The following ATAD2B variants were observed in gnomAD, a reference collection of about 807,000 sequenced individuals.
The protein encoded by ATAD2B is ATPase family AAA domain containing 2B.
A neutral mutation model predicts 167.6 loss-of-function variants in ATAD2B; 40 were observed. The observed-to-expected ratio is 0.24, with a 90% CI of 0.19 to 0.31. The LOEUF (loss-of-function observed/expected upper bound fraction) is 0.31. Among genes scored for constraint, ATAD2B ranks in the 10% least tolerant of loss-of-function variants. The pLI is 1.00. For synonymous variants in ATAD2B, 579 were observed against 596.5 expected, an observed-to-expected ratio of 0.97 and a Z score of 0.43; for missense variants, 1,242 against 1,757.2, an observed-to-expected ratio of 0.71 and a Z score of 5.24.
At chr2:23,718,865 C>T in the ATAD2B span, among the ~76,000 whole-genome samples, 2 of 152,174 alleles carry the variant, frequency 1.3e-5, no homozygotes, top group Non-Finnish European at 2.9e-5. Context: ...ATCACGCCAA[C>T]CTCTGCTTTG....
intron 15 of ATAD2B, among the ~76,000 whole-genome samples, chr2:23,826,991 T>C (rs1356471600): frequency 6.6e-6 from 1 of 152,216 alleles, no homozygotes. Context: ...ACTGAACCTA[T>C]TCATGTTAAA....
Position 23,833,981 on chromosome 2 carries a change from G to A in ATAD2B, c.1666C>T (p.Pro556Ser). ...GATNRLDSID[P>S]ALRRPGRFDR... is the part of the protein sequence containing the mutation. ...AAACGACCAGGTCTCCTGAGTGCAG[G>A]ATCTATAGAGTCAAGTCTGTTTGTA... Residue 556 changes from proline to serine, a missense_variant, in exon 14 of 28, where the codon CCT becomes TCT. Around this residue, in one of 9 missense-constraint regions of ATAD2B, gnomAD observed 151 missense variants for 284.1 expected, o/e 0.53. Transcript: ENST00000238789. The A allele has an allele frequency of 3.1e-6, 5 of 1,613,280 alleles. No homozygotes were observed. The highest frequency in any genetic ancestry group is 4.2e-6 in the Non-Finnish European group (5 of 1,179,608).
chr2:23,876,434 T>C (rs1478364872), intron 7 of ATAD2B, among the ~76,000 whole-genome samples: 2 of 151,934 alleles, frequency 1.3e-5, no homozygotes, highest in African/African-American at 4.8e-5. Context: ...CCTGAGTAGC[T>C]GGGATTACAG....
chr2:23,703,363 C>T, the ATAD2B span: 180,883 of 1,510,128 alleles, frequency 0.12, 11,425 homozygotes, highest in Middle Eastern at 0.17. Context: ...GGAGCTTCAT[C>T]GAGTCCCCAA....
At chr2:23,818,210 AGAGGGAGGGAGGGAAGAAGAGAGG>A (rs1686838954) in intron 17 of ATAD2B, among the ~76,000 whole-genome samples, 2 of 11,002 alleles carry the variant, frequency 1.8e-4, no homozygotes, top group African/African-American at 2.9e-4. Flanking sequence ...GAAGAGAGGG[AGAGGGAGGGAGGGAAGAAGAGAGG>A]GAGGGAGGGA....
intron 17 of ATAD2B, among the ~76,000 whole-genome samples, chr2:23,812,425 C>T (rs1202559462): frequency 3.3e-5 from 5 of 152,100 alleles, no homozygotes; most frequent in African/African-American, 1.2e-4. Context: ...GTCAATTCTT[C>T]CTAACCCATT....
chr2:23,741,964 C>T, the ATAD2B span, among the ~76,000 whole-genome samples: 1 of 152,192 alleles, frequency 6.6e-6, no homozygotes, highest in Admixed American at 6.5e-5. Flanking sequence ...TGCTCATCAT[C>T]ACTGGCCATC....
At chr2:23,807,154 C>T (rs1012737900) in intron 18 of ATAD2B, among the ~76,000 whole-genome samples, 1 of 152,136 alleles carries the variant, frequency 6.6e-6, no homozygotes, top group African/African-American at 2.4e-5. Context: ...GAGCAATGAT[C>T]AGATCATGGG....
At chr2:23,761,129 C>A (rs553541594) in intron 24 of ATAD2B, among the ~76,000 whole-genome samples, 41 of 152,308 alleles carry the variant, frequency 2.7e-4, no homozygotes, top group African/African-American at 9.1e-4. Context: ...TAGAGTACTA[C>A]ATTACACAAT....
chr2:23,783,339 A>C (rs541078742), intron 21 of ATAD2B, among the ~76,000 whole-genome samples: 1 of 151,500 alleles, frequency 6.6e-6, no homozygotes, highest in African/African-American at 2.4e-5. Flanking sequence ...ATGTATGGGC[A>C]AAAGTTCCCA....
At chr2:23,680,224 A>T in the ATAD2B span, among the ~76,000 whole-genome samples, 1 of 152,118 alleles carries the variant, frequency 6.6e-6, no homozygotes, top group Admixed American at 6.5e-5. The surrounding 1 kb of genome is among the most constrained non-coding windows in gnomAD (Gnocchi z 4.1). Flanking sequence ...GAATTCTAGG[A>T]GGTAAAAAGA....
At chr2:23,869,467 G>C (rs900592052) in intron 9 of ATAD2B, among the ~76,000 whole-genome samples, 196 bp downstream of exon 9, 10 of 152,072 alleles carry the variant, frequency 6.6e-5, no homozygotes, top group African/African-American at 9.7e-5. Context: ...TTATTTTATC[G>C]TAAGTACTTT....
At chr2:23,810,742 G>T (rs1685430735) in intron 17 of ATAD2B, among the ~76,000 whole-genome samples, 1 of 152,154 alleles carries the variant, frequency 6.6e-6, no homozygotes, top group South Asian at 2.1e-4. Flanking sequence ...CAGGCGCAGT[G>T]GCTCATGCCT....
chr2:23,774,769 G>A (rs533636490), intron 22 of ATAD2B, among the ~76,000 whole-genome samples: 95 of 152,158 alleles, frequency 6.2e-4, no homozygotes, highest in African/African-American at 1.3e-3. Flanking sequence ...ACATGGTGGC[G>A]CATGCCTATA....
chr2:23,709,228 A>G, the ATAD2B span, among the ~76,000 whole-genome samples: 3 of 152,026 alleles, frequency 2.0e-5, no homozygotes, highest in Non-Finnish European at 4.4e-5. Context: ...TTTAGTAGAG[A>G]CGGTGGTTTT....
chr2:23,727,056 AAGATC>A, the ATAD2B span, among the ~76,000 whole-genome samples: 1 of 152,198 alleles, frequency 6.6e-6, no homozygotes, highest in African/African-American at 2.4e-5. Flanking sequence ...AAAACCAAAG[AAGATC>A]AAGGTTTCTT....
intron 19 of ATAD2B, among the ~76,000 whole-genome samples, chr2:23,790,731 T>C (rs1681555980): frequency 6.6e-6 from 1 of 152,218 alleles, no homozygotes; most frequent in Admixed American, 6.5e-5. Flanking sequence ...TTGTGATACA[T>C]AGTATTCACT....
At chr2:23,807,820 A>ATATAT (rs779599879) in intron 18 of ATAD2B, among the ~76,000 whole-genome samples, 133 of 65,176 alleles carry the variant, frequency 2.0e-3, no homozygotes, top group South Asian at 3.7e-3. Context: ...CATCTTAAAA[A>ATATAT]AAAAAAAAAT....
chr2:23,783,553 A>G (rs984229694), intron 21 of ATAD2B, among the ~76,000 whole-genome samples: 1 of 152,144 alleles, frequency 6.6e-6, no homozygotes, highest in South Asian at 2.1e-4. Context: ...AGTCAATTAT[A>G]TAAGAAAATT....
Sources: gnomAD v4.1 joint callset for allele counts (sites outside exome capture counted in the v4.1 genomes callset) on GRCh38, gnomAD v4.1.1 for gene constraint, gnomAD v4.1.1 regional missense constraint, Gnocchi (gnomAD v3.1) non-coding constraint, MANE v1.5 for transcripts, NCBI Gene and HGNC (gene_info 2026-07-23, HGNC 2026-07-21) for gene names.